ZNF273: variants seen among roughly 807,000 people sequenced by gnomAD.
ZNF273 encodes the protein zinc finger protein 9.
Under a neutral mutation model 14.9 loss-of-function variants are expected in ZNF273, and 11 were observed. That is an observed-to-expected ratio of 0.74 (90% CI 0.46 to 1.22). The LOEUF (loss-of-function observed/expected upper bound fraction) is 1.22, where lower values mean the gene tolerates loss of function less well. Ranked by LOEUF, ZNF273 falls within the 50% of genes most tolerant of loss-of-function variation. The pLI, the probability that ZNF273 is intolerant of heterozygous loss-of-function variation, is 0.00. For synonymous variants in ZNF273, 199 were observed against 223.9 expected, an observed-to-expected ratio of 0.89 and a Z score of 0.99; for missense variants, 577 against 660.6, an observed-to-expected ratio of 0.87 and a Z score of 1.39.
At chr7:64,882,740 C>G (rs13225933), downstream of ZNF273, 68,614 of 152,410 alleles carry the variant, frequency 0.45, 15,757 homozygotes, top group Admixed American at 0.51. Context: ...CCCTAAGAAT[C>G]CAAAAGGATC....
chr7:64,899,119 C>T (rs776516421), upstream of ZNF273, among the ~76,000 whole-genome samples: 1 of 152,190 alleles, frequency 6.6e-6, no homozygotes, highest in Non-Finnish European at 1.5e-5. Flanking sequence ...AAAGAATTCT[C>T]CCTTCAAATT....
downstream of ZNF273, among the ~76,000 whole-genome samples, chr7:64,883,214 A>ACCCCCCCCCCCCCCCCCCCCCCCC (rs57594044): frequency 8.2e-6 from 1 of 121,638 alleles, no homozygotes; most frequent in Non-Finnish European, 1.7e-5. Flanking sequence ...CCAAATCACC[A>ACCCCCCCCCCCCCCCCCCCCCCCC]CCCCCCCCTC....
At chr7:64,913,985 T>C (rs912393504) in intron 1 of ZNF273, among the ~76,000 whole-genome samples, 3 of 151,908 alleles carry the variant, frequency 2.0e-5, no homozygotes, top group Non-Finnish European at 4.4e-5. Context: ...AATTATTAGA[T>C]TGGTGCAAAA....
At chr7:64,878,228 G>A in intron 1 of ZNF273, among the ~76,000 whole-genome samples, 1 of 151,442 alleles carries the variant, frequency 6.6e-6, no homozygotes, top group Non-Finnish European at 1.5e-5. Flanking sequence ...GGGGGGACTG[G>A]CTGAGACACC....
intron 3 of ZNF273, chr7:64,924,443 C>A (rs1391171135): frequency 6.6e-6 from 1 of 152,110 alleles, no homozygotes; most frequent in African/African-American, 2.4e-5. Context: ...ATATTGTTCT[C>A]TATGTGTTTC....
At chr7:64,891,356 A>G (rs1792026531), downstream of ZNF273, among the ~76,000 whole-genome samples, 1 of 152,184 alleles carries the variant, frequency 6.6e-6, no homozygotes, top group African/African-American at 2.4e-5. Flanking sequence ...TCCTTGGTCT[A>G]TGGTGACCTT....
At chr7:64,901,266 G>A (rs1171353477), upstream of ZNF273, among the ~76,000 whole-genome samples, 2 of 152,238 alleles carry the variant, frequency 1.3e-5, no homozygotes, top group Non-Finnish European at 1.5e-5. Context: ...GCCTCCCAAA[G>A]TGCTGGGATT....
chr7:64,920,210 A>G (rs1794326210), intron 3 of ZNF273, among the ~76,000 whole-genome samples: 1 of 152,152 alleles, frequency 6.6e-6, no homozygotes, highest in Non-Finnish European at 1.5e-5. Context: ...GGGTAGTTGT[A>G]ATTCCCATTA....
Position 64,928,034 on chromosome 7 carries a change from T to C in ZNF273, c.706T>C (p.Cys236Arg), listed in dbSNP as rs1233923090. Residue 236 changes from cysteine to arginine, a missense_variant, in exon 4 of 4, where the codon TGT becomes CGT. By Grantham distance (180) the Cys-to-Arg change is radical. Transcript: ENST00000476120. ...KTATRVNFYK[C>R]KTCGKAFNQF... ...TGCTACTAGAGTGAATTTCTACAAA[T>C]GTAAGACATGTGGAAAAGCCTTTAA... 6 of 1,613,908 alleles carry C rather than the reference T, an allele frequency of 3.7e-6. No homozygotes were observed. In the African/African-American group the frequency reaches 4.0e-5, roughly 11 times the overall value.
chr7:64,927,560 C>T, intron 3 of ZNF273, 94 bp from the exon 4 acceptor site: 2 of 1,106,688 alleles, frequency 1.8e-6, no homozygotes, highest in South Asian at 1.7e-5. Flanking sequence ...TACCATCTTC[C>T]TTATGTAGTT....
At chr7:64,883,218 C>G (rs948322198), downstream of ZNF273, among the ~76,000 whole-genome samples, 8 of 130,180 alleles carry the variant, frequency 6.1e-5, no homozygotes, top group African/African-American at 2.2e-4. Context: ...ATCACCACCC[C>G]CCCCTCACCA....
intron 3 of ZNF273, chr7:64,924,491 A>G (rs553793156): frequency 6.9e-6 from 1 of 145,428 alleles, no homozygotes; most frequent in African/African-American, 2.6e-5. Context: ...TTGGAACACT[A>G]ATGTGAGACA....
intron 3 of ZNF273, among the ~76,000 whole-genome samples, chr7:64,921,780 C>T (rs1156837646): frequency 6.6e-6 from 1 of 151,746 alleles, no homozygotes; most frequent in East Asian, 1.9e-4. Flanking sequence ...CACTCCCCCA[C>T]CAACATGCCT....
chr7:64,925,150 G>C (rs1011620602), intron 3 of ZNF273, among the ~76,000 whole-genome samples: 6 of 152,018 alleles, frequency 3.9e-5, no homozygotes, highest in African/African-American at 1.4e-4. Flanking sequence ...TATGTCTCTT[G>C]ATCGGAAAGT....
Position 64,928,094 on chromosome 7 carries a change from C to A in ZNF273, c.766C>A (p.His256Asn), listed in dbSNP as rs62455581. 0.05 allele frequency: 80,482 copies of A among 1,613,742 alleles called. 2,510 individuals are homozygous for A. Among genetic ancestry groups the A allele is most frequent in the East Asian group, 0.15 (6,753 of 44,810 alleles). Reference protein sequence around the residue: ...FSNLTKHKIIHPEVNPYKCEE... With the variant: ...FSNLTKHKIINPEVNPYKCEE... Reference sequence around the variant, plus strand: ...AAATCTTACTAAACATAAGATAATTCATCCTGAAGTGAATCCCTACAAATG... The same window carrying A: ...AAATCTTACTAAACATAAGATAATTAATCCTGAAGTGAATCCCTACAAATG... Residue 256 changes from histidine (H) to asparagine (N), a missense_variant, in exon 4 of 4, where the codon CAT becomes AAT. By Grantham distance (68) the His-to-Asn change is moderately conservative. Transcript: ENST00000476120.
At position 64,928,037 on chromosome 7, in the gene ZNF273, A is replaced by C; in HGVS notation, c.709A>C (p.Lys237Gln). ...TATRVNFYKC[K>Q]TCGKAFNQFS... is the part of the protein sequence containing the mutation. The stretch of plus-strand genomic sequence containing the variant: ...TACTAGAGTGAATTTCTACAAATGT[A>C]AGACATGTGGAAAAGCCTTTAACCA... Residue 237 changes from lysine to glutamine, a missense_variant, in exon 4 of 4, where the codon AAG becomes CAG. Lys to Gln is a moderately conservative substitution (Grantham distance 53). Around this residue, in one of 3 missense-constraint regions of ZNF273, gnomAD observed 411 missense variants for 440.4 expected, o/e 0.93. Coordinates refer to ENST00000476120, the MANE Select transcript of ZNF273 (RefSeq NM_021148.3). The C allele has an allele frequency of 6.2e-7, 1 of 1,609,262 alleles. No individual in the cohort carries two copies. Among genetic ancestry groups the C allele is most frequent in the Non-Finnish European group, 8.5e-7 (1 of 1,178,140 alleles).
chr7:64,913,433 G>A (rs1022477449), intron 1 of ZNF273, among the ~76,000 whole-genome samples: 4 of 152,324 alleles, frequency 2.6e-5, no homozygotes, highest in African/African-American at 7.2e-5. Flanking sequence ...CCAGCGAAGC[G>A]CTGTGTAACA....
At chr7:64,902,721 G>GAA (rs1792807921), upstream of ZNF273, among the ~76,000 whole-genome samples, 1 of 151,972 alleles carries the variant, frequency 6.6e-6, no homozygotes, top group Admixed American at 6.6e-5. Context: ...GACAGAGAGA[G>GAA]AGAAAGAAAA....
intron 3 of ZNF273, 63 bp from the exon 4 acceptor site, chr7:64,927,591 A>AT: frequency 7.1e-7 from 1 of 1,398,610 alleles, no homozygotes; most frequent in Non-Finnish European, 9.7e-7. Context: ...TATAGGTTAG[A>AT]TTTGTAAAGT....
Sources: gnomAD v4.1 joint callset for allele counts (sites outside exome capture counted in the v4.1 genomes callset) on GRCh38, gnomAD v4.1.1 for gene constraint, gnomAD v4.1.1 regional missense constraint, MANE v1.5 for transcripts, NCBI Gene and HGNC (gene_info 2026-07-23, HGNC 2026-07-21) for gene names.